The following CSMD1 variants were observed in gnomAD, a reference collection of about 807,000 sequenced individuals.
The protein encoded by CSMD1 is CUB and Sushi multiple domains 1.
A neutral mutation model predicts 417.5 loss-of-function variants in CSMD1; 213 were observed. The ratio of observed to expected loss-of-function variants is 0.51; its 90% CI spans 0.46 to 0.57. CSMD1 has a LOEUF of 0.57. CSMD1 is among the 20% of genes least tolerant of loss of function. The pLI is 0.00. For missense variants in CSMD1, 6,923 were observed against 4,529.7 expected, an observed-to-expected ratio of 1.53 and a Z score of -15.17; for synonymous variants, 2,862 against 1,736.8, an observed-to-expected ratio of 1.65 and a Z score of -16.11.
chr8:4,942,525 C>T (rs1362789986), intron 1 of CSMD1, among the ~76,000 whole-genome samples: 1 of 152,112 alleles, frequency 6.6e-6, no homozygotes, highest in Non-Finnish European at 1.5e-5. Context: ...AAATATTTTC[C>T]TCTATTAAAT....
intron 26 of CSMD1, among the ~76,000 whole-genome samples, chr8:3,265,199 C>G (rs1453576625): frequency 1.3e-5 from 2 of 152,006 alleles, no homozygotes; most frequent in African/African-American, 2.4e-5. Flanking sequence ...AAATAAGAAT[C>G]AGAAAATAAG....
At chr8:4,050,387 T>A (rs976357692) in intron 3 of CSMD1, among the ~76,000 whole-genome samples, 2 of 151,828 alleles carry the variant, frequency 1.3e-5, no homozygotes, top group South Asian at 4.1e-4. Context: ...CAAACTTTTT[T>A]AATTTTTAAT....
rs1563146965 is a variant in CSMD1, at chr8:3,853,872, T to TATAGTATA, written c.819-99831_819-99830insTATACTAT. Among the ~76,000 whole-genome samples, 50 of 147,212 alleles carry TATAGTATA rather than the reference T, an allele frequency of 3.4e-4. 1 individual carries two copies. The highest frequency in any genetic ancestry group is 4.2e-4 in the African/African-American group (17 of 40,480). On this transcript the variant is annotated intron_variant, in intron 5 of 69. Transcript: ENST00000635120. ...TACCCTAAAACTTAATATATTATAC[T>TATAGTATA]TTAATATATTAATATATTATACTTT...
Position 4,889,844 on chromosome 8 carries a change from T to G in CSMD1, c.85+104488A>C, listed in dbSNP as rs142407190. Reference sequence around the variant, plus strand: ...ACCACAGCCACTAGAATTGCTGGAGTTACTTTGTATTTATTGATGATGAAA... The same window carrying G: ...ACCACAGCCACTAGAATTGCTGGAGGTACTTTGTATTTATTGATGATGAAA... On this transcript the variant is annotated intron_variant, in intron 1 of 69. Transcript: ENST00000635120. 2.6e-4 allele frequency among the ~76,000 whole-genome samples: 39 copies of G among 152,182 alleles called. No homozygotes were observed. In the East Asian group the frequency reaches 6.8e-3, roughly 26 times the overall value.
At chr8:4,764,996 C>A (rs1812363618) in intron 1 of CSMD1, among the ~76,000 whole-genome samples, 1 of 151,386 alleles carries the variant, frequency 6.6e-6, no homozygotes, top group Admixed American at 6.6e-5. Context: ...TATTGAATAC[C>A]CTGGAATGGC....
At chr8:3,807,567 T>C (rs1800818328) in intron 5 of CSMD1, among the ~76,000 whole-genome samples, 1 of 152,208 alleles carries the variant, frequency 6.6e-6, no homozygotes, top group African/African-American at 2.4e-5. Flanking sequence ...CACATTTTAA[T>C]AACAGACTTA....
chr8:4,005,236 G>A (rs1268249942), intron 4 of CSMD1, among the ~76,000 whole-genome samples: 6 of 150,676 alleles, frequency 4.0e-5, no homozygotes, highest in Non-Finnish European at 8.9e-5. Context: ...CACCACTGAA[G>A]AACTTACTTA....
chr8:3,280,400 C>G (rs551642602), intron 26 of CSMD1, among the ~76,000 whole-genome samples: 2 of 152,270 alleles, frequency 1.3e-5, no homozygotes, highest in African/African-American at 4.8e-5. Flanking sequence ...GAGTTGTAGT[C>G]TAGACTATGC....
chr8:4,239,443 T>A (rs1351816083), intron 3 of CSMD1, among the ~76,000 whole-genome samples: 4 of 152,160 alleles, frequency 2.6e-5, no homozygotes, highest in African/African-American at 9.7e-5. Flanking sequence ...GGAGGCTGGG[T>A]CCTGGAGCCA....
At chr8:4,164,472 C>G (rs1797342268) in intron 3 of CSMD1, among the ~76,000 whole-genome samples, 1 of 152,050 alleles carries the variant, frequency 6.6e-6, no homozygotes, top group South Asian at 2.1e-4. Context: ...GAAATGAACC[C>G]CTAAACTAAT....
chr8:4,381,082 G>T (rs57777162), intron 3 of CSMD1, among the ~76,000 whole-genome samples: 1 of 152,084 alleles, frequency 6.6e-6, no homozygotes, highest in Non-Finnish European at 1.5e-5. Context: ...TGGTTCAAAA[G>T]TAATTGTGGT....
At chr8:4,862,780 T>C (rs962881257) in intron 1 of CSMD1, among the ~76,000 whole-genome samples, 1 of 152,006 alleles carries the variant, frequency 6.6e-6, no homozygotes, top group East Asian at 1.9e-4. Context: ...CTTGGAATCA[T>C]GAAATCCGGT....
chr8:4,229,404 G>A (rs769578222), intron 3 of CSMD1, among the ~76,000 whole-genome samples: 9 of 152,168 alleles, frequency 5.9e-5, no homozygotes, highest in Non-Finnish European at 1.5e-5. Context: ...TCACAAGCTA[G>A]ATCATACCTA....
At chr8:3,719,604 G>A (rs1053120117) in intron 6 of CSMD1, among the ~76,000 whole-genome samples, 4 of 152,142 alleles carry the variant, frequency 2.6e-5, no homozygotes, top group Admixed American at 6.6e-5. Context: ...TGTGATGAAC[G>A]AAAAAGATGC....
chr8:3,596,623 C>A (rs1408159849), intron 8 of CSMD1, among the ~76,000 whole-genome samples: 2 of 152,174 alleles, frequency 1.3e-5, no homozygotes, highest in Non-Finnish European at 2.9e-5. Context: ...CTACACTTGG[C>A]AAAACTTTGC....
rs1804324940 is a variant in CSMD1 at position 4,657,655 on chromosome 8, T to C, written c.86-20097A>G. 2.7e-5 allele frequency among the ~76,000 whole-genome samples: 4 copies of C among 150,170 alleles called. No individual in the cohort carries two copies. The South Asian group carries it at 8.4e-4, about 32-fold the overall frequency. ...AGTTACCAATGTATAATAGTAAACA[T>C]GGCCAGTTCTCAAAAAATCATAAAA... On this transcript the variant is annotated intron_variant, in intron 1 of 69. Transcript: ENST00000635120.
chr8:4,787,610 T>C, intron 1 of CSMD1: 1 of 1,552,330 alleles, frequency 6.4e-7, no homozygotes. Context: ...TGAATGGGTT[T>C]GCAGAAGAAT....
At chr8:3,195,930 T>A (rs1796679594) in intron 33 of CSMD1, among the ~76,000 whole-genome samples, 1 of 152,138 alleles carries the variant, frequency 6.6e-6, no homozygotes, top group Non-Finnish European at 1.5e-5. Context: ...AGTGACTCCA[T>A]CTTCAATAGG....
At chr8:4,349,309 A>T (rs1174206726) in intron 3 of CSMD1, among the ~76,000 whole-genome samples, 1 of 152,136 alleles carries the variant, frequency 6.6e-6, no homozygotes, top group Non-Finnish European at 1.5e-5. Context: ...ATTTTTCTAC[A>T]CTCTAAGACC....
Sources: allele counts gnomAD v4.1 joint callset (sites outside exome capture counted in the v4.1 genomes callset), GRCh38; gene constraint gnomAD v4.1.1; transcripts MANE v1.5; gene names NCBI Gene and HGNC (gene_info 2026-07-23, HGNC 2026-07-21).